Variants in TAF3 observed in about 807,000 individuals in gnomAD.
The protein encoded by TAF3 is TATA-box binding protein associated factor 3, also known as transcription initiation factor TFIID subunit 3.
Under a neutral mutation model 80.6 loss-of-function variants are expected in TAF3, and 7 were observed. The observed-to-expected ratio is 0.09, with a 90% CI of 0.05 to 0.16. The LOEUF (loss-of-function observed/expected upper bound fraction) is 0.16. Among genes scored for constraint, TAF3 ranks in the 10% least tolerant of loss-of-function variants. The pLI is 1.00. For synonymous variants in TAF3, 444 were observed against 446.1 expected, an observed-to-expected ratio of 1.00 and a Z score of 0.06; for missense variants, 921 against 1,140.2, an observed-to-expected ratio of 0.81 and a Z score of 2.77.
At chr10:7,970,323 C>T (rs2131416122) in intron 3 of TAF3, among the ~76,000 whole-genome samples, 1 of 152,344 alleles carries the variant, frequency 6.6e-6, no homozygotes, top group South Asian at 2.1e-4. Flanking sequence ...CCTACAGGTT[C>T]CAGGCCTTGC....
intron 4 of TAF3, among the ~76,000 whole-genome samples, chr10:7,992,120 T>C (rs1474045996): frequency 2.0e-5 from 3 of 152,208 alleles, no homozygotes. Flanking sequence ...GTTTCATCCA[T>C]GTTGAATGTT....
intron 2 of TAF3, among the ~76,000 whole-genome samples, chr10:7,883,732 G>T (rs72782738): frequency 0.19 from 28,221 of 152,070 alleles, 2,845 homozygotes; most frequent in East Asian, 0.3. Context: ...ATTTATTCAT[G>T]TATTGATATC....
chr10:7,859,722 T>G (rs923085319), intron 2 of TAF3, among the ~76,000 whole-genome samples: 2 of 152,230 alleles, frequency 1.3e-5, no homozygotes, highest in African/African-American at 4.8e-5. Context: ...TCATTTAGTT[T>G]GTTTTCTTCC....
At chr10:7,989,218 C>A (rs1354826173) in intron 4 of TAF3, among the ~76,000 whole-genome samples, 2 of 152,132 alleles carry the variant, frequency 1.3e-5, no homozygotes. Flanking sequence ...CACGGTGGCT[C>A]TGATTGGCCT....
chr10:7,829,135 G>A (rs1412875194), intron 2 of TAF3, among the ~76,000 whole-genome samples: 5 of 151,136 alleles, frequency 3.3e-5, no homozygotes, highest in African/African-American at 9.7e-5. Flanking sequence ...ATACTGTGAG[G>A]TTGCCACTTT....
At chr10:7,831,086 A>T (rs1363888472) in intron 2 of TAF3, among the ~76,000 whole-genome samples, 3 of 152,196 alleles carry the variant, frequency 2.0e-5, no homozygotes, top group Non-Finnish European at 4.4e-5. Context: ...AAGTAATGAT[A>T]ATACTATCAC....
intron 2 of TAF3, among the ~76,000 whole-genome samples, chr10:7,846,112 C>G (rs1477517059): frequency 2.0e-5 from 3 of 151,962 alleles, no homozygotes; most frequent in South Asian, 4.2e-4. Flanking sequence ...GCGCCCGCCA[C>G]CACGCCTAGC....
chr10:7,995,077 G>A (rs969195434), intron 4 of TAF3, among the ~76,000 whole-genome samples: 1 of 150,330 alleles, frequency 6.7e-6, no homozygotes, highest in Admixed American at 6.6e-5. Context: ...TAGCCTAAAA[G>A]TAATAGTACC....
chr10:7,896,442 C>G lies in TAF3; in HGVS notation c.410-67478C>G, dbSNP rs186291455. ...AGGCTTTTCAACTTTGTCTTTGAGA[C>G]CACCACTTGTCACCAGCCACTTCCT... On this transcript the variant is annotated intron_variant, in intron 2 of 6. Coordinates refer to ENST00000344293, the MANE Select transcript of TAF3 (RefSeq NM_031923.4). 2.6e-5 allele frequency among the ~76,000 whole-genome samples: 4 copies of G among 152,270 alleles called. No homozygotes were observed. In the East Asian group the frequency reaches 7.7e-4, roughly 29 times the overall value.
Position 7,965,056 on chromosome 10 carries a change from C to T in TAF3, c.1546C>T (p.Pro516Ser), listed in dbSNP as rs542112614. ...GGTGTATGAGGAGAAAACCAAGCTG[C>T]CTTCCTCCGTGGAGGTAAAGAAGAA... ...HKVYEEKTKL[P>S]SSVEVKKKLK... The change falls in exon 3 of 7, where the codon CCT (proline) becomes TCT (serine). Residue 516 changes from proline (P) to serine (S), a missense_variant. Transcript: ENST00000344293. 12 of 1,614,006 alleles carry T rather than the reference C, an allele frequency of 7.4e-6. No homozygotes were observed. In the South Asian group the frequency reaches 1.1e-4, roughly 15 times the overall value.
At chr10:7,983,194 G>A (rs1007242657) in intron 4 of TAF3, among the ~76,000 whole-genome samples, 9 of 152,278 alleles carry the variant, frequency 5.9e-5, no homozygotes, top group East Asian at 1.9e-4. Flanking sequence ...GCGAAGCCCC[G>A]CTTCCCGGGC....
intron 4 of TAF3, among the ~76,000 whole-genome samples, chr10:7,998,353 C>G (rs1226754272): frequency 6.7e-6 from 1 of 149,240 alleles, no homozygotes; most frequent in African/African-American, 2.5e-5. Flanking sequence ...CTTATTATTA[C>G]AAAGTTATTT....
intron 2 of TAF3, among the ~76,000 whole-genome samples, chr10:7,844,378 C>CTTTTT (rs370650612): frequency 7.4e-6 from 1 of 134,318 alleles, no homozygotes; most frequent in Non-Finnish European, 1.6e-5. Flanking sequence ...TCTTCTTGTT[C>CTTTTT]TTTTTTTTTT....
chr10:7,917,016 A>G (rs977925839), intron 2 of TAF3, among the ~76,000 whole-genome samples: 10 of 152,182 alleles, frequency 6.6e-5, no homozygotes, highest in African/African-American at 2.2e-4. Flanking sequence ...CCTCACCACT[A>G]CTTACTAAGT....
At chr10:7,971,970 T>C (rs982667931) in intron 3 of TAF3, among the ~76,000 whole-genome samples, 4 of 152,234 alleles carry the variant, frequency 2.6e-5, no homozygotes, top group African/African-American at 4.8e-5. Context: ...AGGAGTCTTA[T>C]ATTGCTGGAC....
intron 3 of TAF3, among the ~76,000 whole-genome samples, chr10:7,970,155 A>G (rs1313604154): frequency 1.3e-5 from 2 of 152,236 alleles, no homozygotes; most frequent in Non-Finnish European, 2.9e-5. Flanking sequence ...CAACCCCTGC[A>G]TAATTGGGAG....
chr10:8,014,848 C>T lies in TAF3; in HGVS notation c.*97C>T, dbSNP rs1832089482. The T allele has an allele frequency of 5.7e-6, 6 of 1,050,092 alleles. No homozygotes were observed. Among genetic ancestry groups the T allele is most frequent in the Admixed American group, 2.6e-5 (1 of 38,924 alleles). The allele number at this position is 1,050,092 out of a possible 1,614,324, so 65.0% of individuals were successfully genotyped here. The stretch of plus-strand genomic sequence containing the variant: ...TGCAAGTCTGCCGTCACATCCACCC[C>T]CAGATGCCTGTGGATAAAGAACCCA... On this transcript the variant is annotated 3_prime_UTR_variant, in exon 7 of 7. Transcript: ENST00000344293.
rs1157232811 is a variant in TAF3, at chr10:7,965,386, G to A, written c.1876G>A (p.Gly626Ser). Residue 626 changes from glycine (G) to serine (S), a missense_variant, in exon 3 of 7, where the codon GGC becomes AGC. Gly to Ser is a moderately conservative substitution (Grantham distance 56). This residue lies in a region of TAF3 where 743 missense variants were observed against 821.0 expected (regional missense o/e 0.90). Transcript: ENST00000344293. ...AGATAAGAAGAAAGATAGAGAGAAAGGCAAGAAAGATAAAGATAAGAGAGA... is the reference window on the plus strand; with the variant it reads ...AGATAAGAAGAAAGATAGAGAGAAAAGCAAGAAAGATAAAGATAAGAGAGA... The part of the protein sequence containing the change: ...HKDKKKDREK[G>S]KKDKDKREKE... 2 of 1,608,802 alleles carry A rather than the reference G, an allele frequency of 1.2e-6. No homozygotes were observed. Among genetic ancestry groups the A allele is most frequent in the Non-Finnish European group, 8.5e-7 (1 of 1,178,688 alleles).
chr10:7,964,609 G>T lies in TAF3; in HGVS notation c.1099G>T (p.Asp367Tyr). The change falls in exon 3 of 7, where the codon GAT (aspartate) becomes TAT (tyrosine). Residue 367 changes from aspartate (D) to tyrosine (Y), a missense_variant. Physicochemically the swap from Asp to Tyr is radical, Grantham distance 160 (BLOSUM62 -3). Transcript: ENST00000344293. The surrounding 1 kb of genome is among the most constrained non-coding windows in gnomAD (Gnocchi z 4.1). ...GGTAAAACAAATACAGACACCCCCT[G>T]ATGCTGGGAAACTGAACAGTGAGAA... Reference protein sequence around the residue: ...IQVKQIQTPPDAGKLNSENQP... With the variant: ...IQVKQIQTPPYAGKLNSENQP... The T allele has an allele frequency of 6.2e-7, 1 of 1,614,132 alleles. No individual in the cohort carries two copies. The highest frequency in any genetic ancestry group is 8.5e-7 in the Non-Finnish European group (1 of 1,180,036).
Sources: allele counts gnomAD v4.1 joint callset (sites outside exome capture counted in the v4.1 genomes callset), GRCh38; gene constraint gnomAD v4.1.1; regional missense constraint gnomAD v4.1.1; non-coding constraint Gnocchi (gnomAD v3.1); transcripts MANE v1.5; gene names NCBI Gene and HGNC (gene_info 2026-07-23, HGNC 2026-07-21).